KIRREL3: variants seen among roughly 807,000 people sequenced by gnomAD.
KIRREL3 encodes the protein kirre like nephrin family adhesion molecule 3.
KIRREL3 carries 36 observed loss-of-function variants against 89.7 expected under a neutral mutation model. The observed-to-expected ratio is 0.40, with a 90% confidence interval of 0.31 to 0.53. KIRREL3 has a LOEUF of 0.53. KIRREL3 is among the 20% of genes least tolerant of loss of function. The probability of loss-of-function intolerance (pLI) is 0.49; values close to 1 mark genes in which losing one functional copy is unlikely to be tolerated. For missense variants in KIRREL3, 864 were observed against 1,056.6 expected (o/e 0.82, Z 2.53); for synonymous variants, 445 against 441.4 (o/e 1.01, Z -0.10).
Position 126,940,880 on chromosome 11 carries a change from C to A in KIRREL3, c.55+59575G>T, listed in dbSNP as rs1948419084. On this transcript the variant is annotated intron_variant, in intron 1 of 16. Coordinates refer to ENST00000525144, the MANE Select transcript of KIRREL3 (RefSeq NM_032531.4). This position sits in a 1 kb window ranked among gnomAD's most constrained non-coding sequence, Gnocchi z 4.6. ...CATGAAACTATTTGGATACTGTACT[C>A]TGGTTCCTTCATCTCCTCCATCTGC... 6.6e-6 allele frequency: 1 copy of A among 151,954 alleles called. No homozygotes were observed. Among genetic ancestry groups the A allele is most frequent in the Admixed American group, 6.5e-5 (1 of 15,270 alleles). The allele number at this position is 151,954 out of a possible 1,614,324, so 9.4% of individuals were successfully genotyped here.
At chr11:126,449,314 C>G (rs1398144786) in intron 7 of KIRREL3, among the ~76,000 whole-genome samples, 157 bp from the exon 8 acceptor site, 1 of 152,232 alleles carries the variant, frequency 6.6e-6, no homozygotes, top group Non-Finnish European at 1.5e-5. Flanking sequence ...AGAGGGGCTA[C>G]TTCAAGGGCT....
rs1391744927 is a variant in KIRREL3, at chr11:126,443,112, AG to A, written c.1252+1866del. Among the ~76,000 whole-genome samples the A allele has an allele frequency of 3.3e-5, 5 of 152,198 alleles. No homozygotes were observed. On this transcript the variant is annotated intron_variant, in intron 10 of 16. Transcript: ENST00000525144. This position sits in a 1 kb window ranked among gnomAD's most constrained non-coding sequence, Gnocchi z 7.3. ...AACGTCTAAAGTGACAGCAGATGTC[AG>A]CTCCTCCTTTATCCACCTGCTTTTC... is the stretch of plus-strand genomic sequence containing the variant.
rs1948861203 is a variant in KIRREL3, at chr11:126,738,028, A to T, written c.56-175116T>A. ...CATCCCACTTTATCTCTCCCTTCCCACTACCCTTCCCAGCTTCTGGTAACC... is the reference window on the plus strand; with the variant it reads ...CATCCCACTTTATCTCTCCCTTCCCTCTACCCTTCCCAGCTTCTGGTAACC... On this transcript the variant is annotated intron_variant, in intron 1 of 16. Transcript: ENST00000525144. Among the ~76,000 whole-genome samples, 4 of 151,814 alleles carry T rather than the reference A, an allele frequency of 2.6e-5. No individual in the cohort carries two copies. In the South Asian group the frequency reaches 8.3e-4, roughly 32 times the overall value.
intron 1 of KIRREL3, chr11:126,681,727 T>A (rs892899719): frequency 8.5e-6 from 3 of 353,902 alleles, no homozygotes; most frequent in Non-Finnish European, 1.7e-5. Flanking sequence ...CAATAAACAT[T>A]TGTTTAATTG....
chr11:126,616,857 G>T (rs1057478599), intron 1 of KIRREL3, among the ~76,000 whole-genome samples: 3 of 152,216 alleles, frequency 2.0e-5, no homozygotes, highest in African/African-American at 4.8e-5. Flanking sequence ...GCCCAGGCTG[G>T]TCTTGAACTC....
intron 2 of KIRREL3, among the ~76,000 whole-genome samples, chr11:126,540,359 G>C (rs1272367805): frequency 6.6e-6 from 1 of 152,184 alleles, no homozygotes; most frequent in Non-Finnish European, 1.5e-5. Flanking sequence ...AAGTCTGAGG[G>C]CACATTCCCC....
At chr11:126,554,023 G>A (rs1026989322) in intron 2 of KIRREL3, among the ~76,000 whole-genome samples, 8 of 152,150 alleles carry the variant, frequency 5.3e-5, no homozygotes, top group Admixed American at 3.3e-4. Context: ...CACTGTCCAC[G>A]TGTTGATCGA....
intron 1 of KIRREL3, among the ~76,000 whole-genome samples, chr11:126,585,220 C>CTT (rs3042225): frequency 0.014 from 1,179 of 81,860 alleles, 194 homozygotes; most frequent in African/African-American, 0.06. Context: ...CGCCCGGCCT[C>CTT]TTTTTTTTTT....
rs1362632927 is a variant in KIRREL3, at chr11:126,946,230, T to G, written c.55+54225A>C. 6.6e-6 allele frequency among the ~76,000 whole-genome samples: 1 copy of G among 152,122 alleles called. No homozygotes were observed. Among genetic ancestry groups the G allele is most frequent in the Non-Finnish European group, 1.5e-5 (1 of 68,016 alleles). ...TCCCCTTAAAATGACCCTAAATCCC[T>G]TAAAACTGCAAAATGAGTGGTCATG... is the stretch of plus-strand genomic sequence containing the variant. On this transcript the variant is annotated intron_variant, in intron 1 of 16. Coordinates refer to ENST00000525144, the MANE Select transcript of KIRREL3 (RefSeq NM_032531.4). The surrounding 1 kb of genome is among the most constrained non-coding windows in gnomAD (Gnocchi z 4.1).
At chr11:126,447,568 C>G (rs1016522055) in intron 8 of KIRREL3, among the ~76,000 whole-genome samples, 1 of 152,210 alleles carries the variant, frequency 6.6e-6, no homozygotes, top group Admixed American at 6.5e-5. Flanking sequence ...CTGGGTTCCA[C>G]TTCCGACCCC....
At chr11:126,857,463 G>C (rs1176927014) in intron 1 of KIRREL3, among the ~76,000 whole-genome samples, 1 of 152,192 alleles carries the variant, frequency 6.6e-6, no homozygotes, top group African/African-American at 2.4e-5. Flanking sequence ...TTCCCAGCAG[G>C]ATCAAGCTGA....
chr11:126,827,986 T>A (rs1943475822), intron 1 of KIRREL3, among the ~76,000 whole-genome samples: 1 of 152,202 alleles, frequency 6.6e-6, no homozygotes, highest in South Asian at 2.1e-4. Context: ...TTGGGAGCAA[T>A]GTGACTTATC....
Position 126,645,803 on chromosome 11 carries a change from C to T in KIRREL3, c.56-82891G>A, listed in dbSNP as rs1490268213. Among the ~76,000 whole-genome samples the T allele has an allele frequency of 2.0e-5, 3 of 152,206 alleles. No individual in the cohort carries two copies. In the South Asian group the frequency reaches 6.2e-4, roughly 32 times the overall value. ...ATTTAATTAAATGCCTACATTACTG[C>T]TTCCTCACACACCTTATTTTATTTC... On this transcript the variant is annotated intron_variant, in intron 1 of 16. Coordinates refer to ENST00000525144, the MANE Select transcript of KIRREL3 (RefSeq NM_032531.4). This position sits in a 1 kb window ranked among gnomAD's most constrained non-coding sequence, Gnocchi z 4.9.
In KIRREL3 at chr11:126,531,271, A is replaced by G. The variant is rs1167454953; in HGVS notation, c.134-4584T>C. ...GCCTCAACCTGGGCTCTTGCCACAG[A>G]CTCTGAATGTTCTCTTTGCCTGATC... is the stretch of plus-strand genomic sequence containing the variant. On this transcript the variant is annotated intron_variant, in intron 2 of 16. Coordinates refer to ENST00000525144, the MANE Select transcript of KIRREL3 (RefSeq NM_032531.4). The surrounding 1 kb of genome is among the most constrained non-coding windows in gnomAD (Gnocchi z 4.7). 6.6e-6 allele frequency among the ~76,000 whole-genome samples: 1 copy of G among 151,940 alleles called. No homozygotes were observed. Among genetic ancestry groups the G allele is most frequent in the Non-Finnish European group, 1.5e-5 (1 of 67,980 alleles).
rs750546184 is a variant in KIRREL3, at chr11:126,429,230, T to A, written c.1755A>T (p.Glu585Asp). ...NDIRVEIVHK[E>D]PASGREGEEH... ...CCTCACCCTCCCGACCAGAGGCTGG[T>A]TCCTTGTGGACAATTTCCACTCGGA... is the stretch of plus-strand genomic sequence containing the variant. The change falls in exon 15 of 17, where the codon GAA (glutamate) becomes GAT (aspartate). Residue 585 changes from glutamate to aspartate, a missense_variant. Physicochemically the swap from Glu to Asp is conservative, Grantham distance 45 (BLOSUM62 2). Coordinates refer to ENST00000525144, the MANE Select transcript of KIRREL3 (RefSeq NM_032531.4). The surrounding 1 kb of genome is among the most constrained non-coding windows in gnomAD (Gnocchi z 5.2). The A allele has an allele frequency of 6.2e-7, 1 of 1,614,000 alleles. No individual in the cohort carries two copies. Among genetic ancestry groups the A allele is most frequent in the South Asian group, 1.1e-5 (1 of 91,086 alleles).
rs928609441 is a variant in KIRREL3, at chr11:126,526,005, C to T, written c.283+533G>A. The stretch of plus-strand genomic sequence containing the variant: ...TTGCTGAATACCAGCCTGCCCAAGC[C>T]GAACATAGTTGGAAATTTATTTTTA... On this transcript the variant is annotated intron_variant, in intron 3 of 16. Coordinates refer to ENST00000525144, the MANE Select transcript of KIRREL3 (RefSeq NM_032531.4). The surrounding 1 kb of genome is among the most constrained non-coding windows in gnomAD (Gnocchi z 5.7). Among the ~76,000 whole-genome samples the T allele has an allele frequency of 2.6e-5, 4 of 152,184 alleles. No individual in the cohort carries two copies. Among genetic ancestry groups the T allele is most frequent in the African/African-American group, 7.2e-5 (3 of 41,450 alleles).
chr11:126,943,250 T>G lies in KIRREL3; in HGVS notation c.55+57205A>C, dbSNP rs1014314692. Among the ~76,000 whole-genome samples, 2 of 152,146 alleles carry G rather than the reference T, an allele frequency of 1.3e-5. No individual in the cohort carries two copies. The highest frequency in any genetic ancestry group is 4.8e-5 in the African/African-American group (2 of 41,440). On this transcript the variant is annotated intron_variant, in intron 1 of 16. Transcript: ENST00000525144. This position sits in a 1 kb window ranked among gnomAD's most constrained non-coding sequence, Gnocchi z 4.2. ...AGCTCCCATGGTAAAACATTCACCG[T>G]CATTCTTTCTCTCTTCTCACTCACT...
At chr11:126,596,894 C>T (rs1942423998) in intron 1 of KIRREL3, among the ~76,000 whole-genome samples, 1 of 152,200 alleles carries the variant, frequency 6.6e-6, no homozygotes, top group Non-Finnish European at 1.5e-5. Context: ...GTTTCCTGGC[C>T]TAAAGGATGA....
chr11:126,781,270 T>C (rs571008833), intron 1 of KIRREL3, among the ~76,000 whole-genome samples: 27 of 152,328 alleles, frequency 1.8e-4, no homozygotes, highest in Non-Finnish European at 3.7e-4. Flanking sequence ...ATGAGTTGGA[T>C]TGACTACCTT....
Sources: allele counts gnomAD v4.1 joint callset (sites outside exome capture counted in the v4.1 genomes callset), GRCh38; gene constraint gnomAD v4.1.1; non-coding constraint Gnocchi (gnomAD v3.1); transcripts MANE v1.5; gene names NCBI Gene and HGNC (gene_info 2026-07-23, HGNC 2026-07-21).